The following ADAMTS16 variants were observed in gnomAD, a reference collection of about 807,000 sequenced individuals.
ADAMTS16 encodes the protein ADAM metallopeptidase with thrombospondin type 1 motif 16.
In ADAMTS16, 94 loss-of-function variants were observed where a neutral mutation model predicts 145.8. The ratio of observed to expected loss-of-function variants is 0.64; its 90% confidence interval spans 0.55 to 0.77. The LOEUF is 0.77. ADAMTS16 is among the 30% of genes least tolerant of loss of function. The probability of loss-of-function intolerance (pLI) is 0.00; values close to 1 mark genes in which losing one functional copy is unlikely to be tolerated. For synonymous variants in ADAMTS16, 659 were observed against 604.3 expected (o/e 1.09, Z -1.33); for missense variants, 1,585 against 1,591.5 (o/e 1.00, Z 0.07).
intron 8 of ADAMTS16, among the ~76,000 whole-genome samples, chr5:5,198,486 T>A (rs1484247431): frequency 6.6e-6 from 1 of 152,162 alleles, no homozygotes; most frequent in Non-Finnish European, 1.5e-5. Flanking sequence ...CACTATTACA[T>A]GAATCCCAGC....
At position 5,224,192 on chromosome 5, in the gene ADAMTS16, T is replaced by C. The variant is rs1476841353; in HGVS notation, c.1701+1308T>C. On this transcript the variant is annotated intron_variant, in intron 11 of 22. Transcript: ENST00000274181. ...TTTCAGTTCCTCGAAGGGCGTGAAA[T>C]TGATCATTGAATTCTTCTAATTCAT... Among the ~76,000 whole-genome samples, 4 of 152,076 alleles carry C rather than the reference T, an allele frequency of 2.6e-5. No individual in the cohort carries two copies. The East Asian group carries it at 5.8e-4, about 22-fold the overall frequency.
rs1363880129 is a variant in ADAMTS16 at position 5,173,315 on chromosome 5, T to G, written c.502-8729T>G. Among the ~76,000 whole-genome samples, 12 of 152,056 alleles carry G rather than the reference T, an allele frequency of 7.9e-5. No homozygotes were observed. The East Asian group carries it at 2.3e-3, about 29-fold the overall frequency. ...GTCATTTGTTTTCTGGGGTTTTTTG[T>G]GCCGTTTTATTTCTTTCCTTCTTGT... On this transcript the variant is annotated intron_variant, in intron 3 of 22. Transcript: ENST00000274181.
chr5:5,155,116 C>A (rs904776233), intron 3 of ADAMTS16, among the ~76,000 whole-genome samples: 6 of 152,178 alleles, frequency 3.9e-5, no homozygotes, highest in Non-Finnish European at 8.8e-5. Flanking sequence ...TTAACGAGAG[C>A]AGCCTGATTG....
chr5:5,151,033 A>G (rs1734439443), intron 3 of ADAMTS16, among the ~76,000 whole-genome samples: 1 of 151,994 alleles, frequency 6.6e-6, no homozygotes, highest in African/African-American at 2.4e-5. Context: ...TTCTTCGTTT[A>G]TCTTCAAGTT....
chr5:5,301,579 G>A (rs1248317439), intron 18 of ADAMTS16, among the ~76,000 whole-genome samples: 1 of 152,180 alleles, frequency 6.6e-6, no homozygotes. Flanking sequence ...CCATTCTCGA[G>A]AACACTTCTC....
intron 3 of ADAMTS16, among the ~76,000 whole-genome samples, chr5:5,170,842 C>A (rs1735024386): frequency 6.6e-6 from 1 of 151,978 alleles, no homozygotes; most frequent in South Asian, 2.1e-4. Flanking sequence ...GTTTTCTTTG[C>A]TGTGCAGAAG....
chr5:5,271,426 G>A (rs562573837), intron 18 of ADAMTS16, among the ~76,000 whole-genome samples: 1 of 152,232 alleles, frequency 6.6e-6, no homozygotes, highest in East Asian at 1.9e-4. Flanking sequence ...TCCCTCACAC[G>A]GAGGCTCCTC....
intron 21 of ADAMTS16, among the ~76,000 whole-genome samples, chr5:5,316,671 T>G (rs557882145): frequency 1.6e-4 from 25 of 152,290 alleles, no homozygotes; most frequent in Admixed American, 5.9e-4. Context: ...CTCCAAGTAT[T>G]GGGGGAGCCT....
intron 22 of ADAMTS16, 112 bp from the exon 23 acceptor site, chr5:5,318,911 G>A: frequency 1.3e-6 from 1 of 752,208 alleles, no homozygotes; most frequent in Non-Finnish European, 2.2e-6. Flanking sequence ...CCTCTCTGCA[G>A]CAGCCGCAGA....
intron 3 of ADAMTS16, among the ~76,000 whole-genome samples, chr5:5,163,028 C>T (rs1734783812): frequency 6.6e-6 from 1 of 152,154 alleles, no homozygotes; most frequent in Non-Finnish European, 1.5e-5. Flanking sequence ...GGAGAATTTA[C>T]AGGAAGGTGA....
intron 18 of ADAMTS16, among the ~76,000 whole-genome samples, chr5:5,302,597 A>C (rs187486583): frequency 2.6e-4 from 39 of 152,328 alleles, no homozygotes; most frequent in African/African-American, 9.1e-4. Flanking sequence ...AAATACATTG[A>C]ACATAAAAAT....
At chr5:5,232,840 T>C (rs61507479) in intron 12 of ADAMTS16, among the ~76,000 whole-genome samples, 92,959 of 151,600 alleles carry the variant, frequency 0.61, 28,893 homozygotes, top group East Asian at 0.69. Flanking sequence ...TGACCTTAGG[T>C]AATCCACCCG....
chr5:5,275,374 G>T (rs1292127428), intron 18 of ADAMTS16, among the ~76,000 whole-genome samples: 1 of 152,006 alleles, frequency 6.6e-6, no homozygotes, highest in Non-Finnish European at 1.5e-5. Context: ...ATGGGAGTTT[G>T]TTATAAATAT....
intron 18 of ADAMTS16, among the ~76,000 whole-genome samples, chr5:5,292,481 G>A (rs1288563103): frequency 6.7e-6 from 1 of 150,006 alleles, no homozygotes; most frequent in African/African-American, 2.5e-5. Flanking sequence ...CTGTGTGACA[G>A]AGTGGGACTC....
At chr5:5,193,272 G>A (rs567950119) in intron 8 of ADAMTS16, among the ~76,000 whole-genome samples, 2 of 152,202 alleles carry the variant, frequency 1.3e-5, no homozygotes, top group South Asian at 2.1e-4. Context: ...GTGAACTGAT[G>A]ACCTGAAAAA....
At chr5:5,187,885 T>A in intron 6 of ADAMTS16, 77 bp downstream of exon 6, 9 of 1,016,626 alleles carry the variant, frequency 8.9e-6, no homozygotes, top group Non-Finnish European at 1.3e-5. Flanking sequence ...TTCTTTAATA[T>A]AATTGTTCTA....
intron 14 of ADAMTS16, among the ~76,000 whole-genome samples, chr5:5,237,783 A>G (rs887226108): frequency 6.6e-6 from 1 of 152,140 alleles, no homozygotes; most frequent in Non-Finnish European, 1.5e-5. Flanking sequence ...GCGGGCAGAC[A>G]GGGATGCAGG....
intron 8 of ADAMTS16, among the ~76,000 whole-genome samples, chr5:5,197,288 T>C (rs1735830803): frequency 6.6e-6 from 1 of 152,210 alleles, no homozygotes; most frequent in African/African-American, 2.4e-5. Flanking sequence ...CCAATAGTAA[T>C]TGAATCACTC....
At chr5:5,284,084 C>T (rs1739028209) in intron 18 of ADAMTS16, among the ~76,000 whole-genome samples, 1 of 152,042 alleles carries the variant, frequency 6.6e-6, no homozygotes, top group African/African-American at 2.4e-5. Flanking sequence ...ATATGACTGT[C>T]TTCTTTTTTG....
Sources: allele counts gnomAD v4.1 joint callset (sites outside exome capture counted in the v4.1 genomes callset), GRCh38; gene constraint gnomAD v4.1.1; transcripts MANE v1.5; gene names NCBI Gene and HGNC (gene_info 2026-07-23, HGNC 2026-07-21).